ZFPM1: variants seen among roughly 807,000 people sequenced by gnomAD.
ZFPM1 encodes the protein zinc finger protein ZFPM1.
Under a neutral mutation model 46.3 loss-of-function variants are expected in ZFPM1, and 28 were observed. That is an observed-to-expected ratio of 0.60 (90% confidence interval 0.45 to 0.83). The LOEUF (loss-of-function observed/expected upper bound fraction) is 0.83. Ranked by LOEUF, ZFPM1 falls within the 40% of genes least tolerant of loss-of-function variation. ZFPM1 has a pLI of 0.00. For missense variants in ZFPM1, 1,878 were observed against 1,432.4 expected (o/e 1.31, Z -5.02); for synonymous variants, 957 against 675.9 (o/e 1.42, Z -6.45).
intron 3 of ZFPM1, among the ~76,000 whole-genome samples, chr16:88,489,775 G>A (rs755295551): frequency 8.5e-5 from 13 of 152,360 alleles, no homozygotes; most frequent in Non-Finnish European, 1.5e-4. Context: ...GGCCCCTTCG[G>A]GGACTGTGAA....
intron 3 of ZFPM1, among the ~76,000 whole-genome samples, chr16:88,493,394 A>AGCTGTCCCGGGGTGCGGGGAGCTGTCCCG (rs1909725135): frequency 2.0e-5 from 1 of 50,924 alleles, no homozygotes; most frequent in African/African-American, 8.9e-5. Context: ...GAGCTGTCCC[A>AGCTGTCCCGGGGTGCGGGGAGCTGTCCCG]GGGTGCAGGA....
intron 4 of ZFPM1, chr16:88,516,560 G>A (rs553231468): frequency 1.7e-4 from 67 of 398,630 alleles, no homozygotes; most frequent in Admixed American, 7.9e-4. Context: ...TCTCCCCAGC[G>A]AGGCGCTATC....
chr16:88,472,662 A>C (rs527393088), intron 1 of ZFPM1, among the ~76,000 whole-genome samples: 4 of 151,980 alleles, frequency 2.6e-5, no homozygotes, highest in Non-Finnish European at 5.9e-5. Context: ...TGAATTTTCT[A>C]TTTTTTATTG....
chr16:88,497,648 G>T lies in ZFPM1; in HGVS notation c.268+8495G>T, dbSNP rs1479954819. 6.6e-6 allele frequency among the ~76,000 whole-genome samples: 1 copy of T among 152,120 alleles called. No homozygotes were observed. The highest frequency in any genetic ancestry group is 1.5e-5 in the Non-Finnish European group (1 of 68,008). The stretch of plus-strand genomic sequence containing the variant: ...GAAGGGTTTTGTGGGGGGTGTTCGT[G>T]CCGTGAGCGATCCGGTCCAGCATCC... On this transcript the variant is annotated intron_variant, in intron 3 of 9. Coordinates refer to ENST00000319555, the MANE Select transcript of ZFPM1 (RefSeq NM_153813.3). This position sits in a 1 kb window ranked among gnomAD's most constrained non-coding sequence, Gnocchi z 5.4.
upstream of ZFPM1, among the ~76,000 whole-genome samples, chr16:88,452,205 G>T (rs897265117): frequency 6.6e-6 from 1 of 152,108 alleles, no homozygotes; most frequent in Non-Finnish European, 1.5e-5. Context: ...GCTGGGAGTG[G>T]GGGACAGCCC....
intron 3 of ZFPM1, among the ~76,000 whole-genome samples, chr16:88,499,774 C>T (rs1224044695): frequency 1.3e-5 from 2 of 152,164 alleles, no homozygotes; most frequent in African/African-American, 4.8e-5. Context: ...GGGGAGGGGC[C>T]GAGTGGGCAC....
chr16:88,536,476 T>C lies in ZFPM1; in HGVS notation c.*1497T>C, dbSNP rs1597295231. The C allele has an allele frequency of 6.6e-6, 1 of 152,248 alleles. No individual in the cohort carries two copies. The highest frequency in any genetic ancestry group is 2.4e-5 in the African/African-American group (1 of 41,460). The allele number at this position is 152,248 out of a possible 1,614,324, so 9.4% of individuals were successfully genotyped here. A position where few individuals can be genotyped will look rare whatever the true frequency, so the allele number is the denominator to read the frequency against. ...GGCGCGAGCTACCATTCCCAGCCCA[T>C]TTCCAACTCTACTTGAACTAGCTGC... On this transcript the variant is annotated 3_prime_UTR_variant, in exon 10 of 10. Transcript: ENST00000319555.
At chr16:88,532,274 GC>G in intron 7 of ZFPM1, 39 bp downstream of exon 7, 2 of 1,539,414 alleles carry the variant, frequency 1.3e-6, no homozygotes, top group Non-Finnish European at 1.8e-6. Flanking sequence ...CAGGATGCCG[GC>G]TGCTTCCCCA....
chr16:88,498,854 G>C (rs906756558), intron 3 of ZFPM1, among the ~76,000 whole-genome samples: 19 of 152,202 alleles, frequency 1.2e-4, no homozygotes, highest in Non-Finnish European at 2.5e-4. Flanking sequence ...GGTCGTTGGC[G>C]TGGACACCTT....
chr16:88,491,507 C>A (rs1909572744), intron 3 of ZFPM1, among the ~76,000 whole-genome samples: 2 of 152,202 alleles, frequency 1.3e-5, no homozygotes, highest in African/African-American at 4.8e-5. Context: ...GGTGGTGGAG[C>A]TGGGTTTAGG....
chr16:88,524,574 A>G (rs1354066184), intron 4 of ZFPM1, among the ~76,000 whole-genome samples: 1 of 152,374 alleles, frequency 6.6e-6, no homozygotes, highest in East Asian at 1.9e-4. Flanking sequence ...ACGGCACCCC[A>G]TGCCCACTTT....
intron 1 of ZFPM1, among the ~76,000 whole-genome samples, chr16:88,474,763 G>A (rs577615069): frequency 1.2e-4 from 19 of 152,348 alleles, no homozygotes; most frequent in African/African-American, 4.1e-4. Flanking sequence ...CACATAGGAT[G>A]TTCATTTGCT....
chr16:88,469,398 C>T lies in ZFPM1; in HGVS notation c.40+15720C>T, dbSNP rs2142352326. ...GGCTCTTCAGCAAGCCCCTTGCCGG[C>T]CTGGGCCTCAGTTTCCCCTTCCACA... is the stretch of plus-strand genomic sequence containing the variant. On this transcript the variant is annotated intron_variant, in intron 1 of 9. Transcript: ENST00000319555. This position sits in a 1 kb window ranked among gnomAD's most constrained non-coding sequence, Gnocchi z 4.3. 6.6e-6 allele frequency among the ~76,000 whole-genome samples: 1 copy of T among 152,320 alleles called. No individual in the cohort carries two copies. The highest frequency in any genetic ancestry group is 3.4e-3 in the Middle Eastern group (1 of 294).
At chr16:88,518,598 G>C (rs376031721) in intron 4 of ZFPM1, among the ~76,000 whole-genome samples, 13 of 137,364 alleles carry the variant, frequency 9.5e-5, no homozygotes, top group South Asian at 2.6e-4. Flanking sequence ...GGTTGGGTAG[G>C]TAGCTGGTGG....
At position 88,536,557 on chromosome 16, in the gene ZFPM1, C is replaced by T. The variant is rs1169962274; in HGVS notation, c.*1578C>T. 6.6e-6 allele frequency: 1 copy of T among 152,234 alleles called. No homozygotes were observed. Among genetic ancestry groups the T allele is most frequent in the Non-Finnish European group, 1.5e-5 (1 of 68,042 alleles). The allele number at this position is 152,234 out of a possible 1,614,324, so 9.4% of individuals were successfully genotyped here. On this transcript the variant is annotated 3_prime_UTR_variant, in exon 10 of 10. Transcript: ENST00000319555. The stretch of plus-strand genomic sequence containing the variant: ...TGAGTGCAGGCAAAGAAGGCAGCGG[C>T]CTCTTGCCTCAGAAGCCCGAGGCAC...
At chr16:88,455,938 G>T (rs760945072) in intron 1 of ZFPM1, among the ~76,000 whole-genome samples, 19 of 152,196 alleles carry the variant, frequency 1.2e-4, no homozygotes, top group African/African-American at 4.3e-4. Context: ...TGTGAGCTCC[G>T]ATAAGAGCCT....
intron 1 of ZFPM1, among the ~76,000 whole-genome samples, chr16:88,462,859 G>T (rs1255614480): frequency 6.6e-6 from 1 of 152,064 alleles, no homozygotes; most frequent in African/African-American, 2.4e-5. Flanking sequence ...GAGCAGTGAT[G>T]CTCACCTCAC....
At position 88,461,494 on chromosome 16, in the gene ZFPM1, G is replaced by T. The variant is rs111776834; in HGVS notation, c.40+7816G>T. ...GCCTTGCTGTGACCCTTTGGCCAGT[G>T]GCTGTATCTGGGGCCTCTGTTTCTC... On this transcript the variant is annotated intron_variant, in intron 1 of 9. Coordinates refer to ENST00000319555, the MANE Select transcript of ZFPM1 (RefSeq NM_153813.3). 5.9e-3 allele frequency among the ~76,000 whole-genome samples: 899 copies of T among 152,304 alleles called. 10 individuals carry two copies. Among genetic ancestry groups the T allele is most frequent in the African/African-American group, 0.021 (865 of 41,556 alleles).
At chr16:88,514,822 G>A (rs971738500) in intron 4 of ZFPM1, among the ~76,000 whole-genome samples, 5 of 152,224 alleles carry the variant, frequency 3.3e-5, no homozygotes, top group African/African-American at 9.6e-5. Flanking sequence ...CATTCAAGGG[G>A]AGGGAGGAAC....
Sources: allele counts gnomAD v4.1 joint callset (sites outside exome capture counted in the v4.1 genomes callset), GRCh38; gene constraint gnomAD v4.1.1; non-coding constraint Gnocchi (gnomAD v3.1); transcripts MANE v1.5; gene names NCBI Gene and HGNC (gene_info 2026-07-23, HGNC 2026-07-21).